Variants in ANKS6 observed in about 807,000 individuals in gnomAD.
ANKS6 encodes the protein ankyrin repeat and sterile alpha motif domain containing 6.
ANKS6 carries 47 observed loss-of-function variants against 77.9 expected under a neutral mutation model. The observed-to-expected ratio is 0.60, with a 90% CI of 0.48 to 0.77. The LOEUF is 0.77. Ranked by LOEUF, ANKS6 falls within the 30% of genes least tolerant of loss-of-function variation. The pLI, the probability that ANKS6 is intolerant of heterozygous loss-of-function variation, is 0.00. For synonymous variants in ANKS6, 488 were observed against 501.7 expected (o/e 0.97, Z 0.37); for missense variants, 1,150 against 1,159.1 (o/e 0.99, Z 0.11).
rs1834022137 is a variant in ANKS6, at chr9:98,778,226, C to T, written c.1567G>A (p.Gly523Ser). The change falls in exon 7 of 15, where the codon GGT becomes AGT. Residue 523 changes from glycine to serine, a missense_variant and splice_region_variant. Transcript: ENST00000353234. ...PDAAPVTKDN[G>S]PGSTRGEKED... is the part of the protein sequence containing the mutation. The stretch of plus-strand genomic sequence containing the variant: ...TACTGCACATGCAGACTTTTCTCAC[C>T]ATTGTCTTTGGTCACAGGGGCCGCA... 6.2e-7 allele frequency: 1 copy of T among 1,614,084 alleles called. No individual in the cohort carries two copies. Among genetic ancestry groups the T allele is most frequent in the East Asian group, 2.2e-5 (1 of 44,888 alleles).
intron 1 of ANKS6, 127 bp from the exon 2 acceptor site, chr9:98,790,733 C>T: frequency 7.8e-7 from 1 of 1,282,788 alleles, no homozygotes; most frequent in Non-Finnish European, 1.1e-6. Flanking sequence ...TATTCTGGCG[C>T]CAGGCACTGT....
In ANKS6 at chr9:98,762,876, C is replaced by A. The variant is rs558284721; in HGVS notation, c.2142+5205G>T. Among the ~76,000 whole-genome samples, 16 of 151,972 alleles carry A rather than the reference C, an allele frequency of 1.1e-4. No individual in the cohort carries two copies. The East Asian group carries it at 3.1e-3, about 29-fold the overall frequency. The stretch of plus-strand genomic sequence containing the variant: ...TAGTCATAAAAATGCATCCTTGTTC[C>A]CAATCTTAGGAGAAAAGAAAATCTT... On this transcript the variant is annotated intron_variant, in intron 11 of 14. Coordinates refer to ENST00000353234, the MANE Select transcript of ANKS6 (RefSeq NM_173551.5).
chr9:98,796,043 C>T (rs1408421802), intron 1 of ANKS6, 90 bp downstream of exon 1: 9 of 1,218,540 alleles, frequency 7.4e-6, no homozygotes, highest in Middle Eastern at 3.2e-4. Flanking sequence ...TAACTCTTCA[C>T]CTCCCGGGGC....
At chr9:98,768,799 C>T (rs373543045) in intron 10 of ANKS6, among the ~76,000 whole-genome samples, 4 of 152,186 alleles carry the variant, frequency 2.6e-5, no homozygotes, top group African/African-American at 9.7e-5. Context: ...TTCTCCCTCA[C>T]CCTGCTTCCC....
At position 98,732,844 on chromosome 9, in the gene ANKS6, A is replaced by C. The variant is rs1366232059; in HGVS notation, c.*3675T>G. 1.6e-6 allele frequency: 2 copies of C among 1,215,808 alleles called. No individual in the cohort carries two copies. Among genetic ancestry groups the C allele is most frequent in the East Asian group, 8.7e-5 (2 of 23,074 alleles). The allele number at this position is 1,215,808 out of a possible 1,614,324, so 75.3% of individuals were successfully genotyped here. A position where few individuals can be genotyped will look rare whatever the true frequency, so the allele number is the denominator to read the frequency against. On this transcript the variant is annotated 3_prime_UTR_variant, in exon 15 of 15. Transcript: ENST00000353234. ...ATTTTAAAGGACTAAAAACAGAAAA[A>C]CAGGCACCCAACTGACCCTTCCTCC...
chr9:98,739,301 C>T (rs932412879), intron 14 of ANKS6, among the ~76,000 whole-genome samples: 1 of 152,150 alleles, frequency 6.6e-6, no homozygotes, highest in African/African-American at 2.4e-5. Flanking sequence ...ACAACGACAA[C>T]AACAACAACA....
intron 2 of ANKS6, 180 bp downstream of exon 2, chr9:98,789,924 A>C: frequency 1.1e-6 from 1 of 922,892 alleles, no homozygotes; most frequent in Non-Finnish European, 1.5e-6. Context: ...GAGTGGGCCC[A>C]GAACCTGCAT....
chr9:98,784,784 G>A, intron 3 of ANKS6, 48 bp downstream of exon 3: 1 of 1,519,614 alleles, frequency 6.6e-7, no homozygotes, highest in Non-Finnish European at 9.1e-7. Flanking sequence ...TTGGGAGAAT[G>A]TAGCCCTATA....
At chr9:98,792,624 G>A (rs1834962831) in intron 1 of ANKS6, among the ~76,000 whole-genome samples, 1 of 152,188 alleles carries the variant, frequency 6.6e-6, no homozygotes, top group South Asian at 2.1e-4. Context: ...TATCAAGCAT[G>A]AGATAAAATC....
chr9:98,779,579 T>C (rs868785677), intron 6 of ANKS6, among the ~76,000 whole-genome samples: 32 of 152,080 alleles, frequency 2.1e-4, no homozygotes, highest in African/African-American at 7.2e-4. Flanking sequence ...ACATTCCTTT[T>C]TGAGACAAGT....
At position 98,736,583 on chromosome 9, in the gene ANKS6, A is replaced by G; in HGVS notation, c.2552T>C (p.Phe851Ser). The part of the protein sequence containing the change: ...RQILQETIHN[F>S]HSSFESSASN... The stretch of plus-strand genomic sequence containing the variant: ...GGCACTGCTCTCAAAGGAAGAGTGA[A>G]AGTTGTGAATGGTTTCCTGTAAAAT... The change falls in exon 15 of 15, where the codon TTT (phenylalanine) becomes TCT (serine). Residue 851 changes from phenylalanine to serine, a missense_variant. Physicochemically the swap from Phe to Ser is radical, Grantham distance 155 (BLOSUM62 -2). Transcript: ENST00000353234. 6.2e-7 allele frequency: 1 copy of G among 1,613,572 alleles called. No homozygotes were observed. Among genetic ancestry groups the G allele is most frequent in the Non-Finnish European group, 8.5e-7 (1 of 1,179,792 alleles).
intron 13 of ANKS6, among the ~76,000 whole-genome samples, chr9:98,746,660 GC>G (rs1448758918): frequency 1.3e-5 from 2 of 151,686 alleles, no homozygotes; most frequent in East Asian, 3.9e-4. Context: ...CTGGCAGAGG[GC>G]TCCAGCATCC....
Position 98,732,547 on chromosome 9 carries a change from A to C in ANKS6, c.*3972T>G, listed in dbSNP as rs1259738657. ...AGTTTCTTCTGGCCTCACCCACCCAACCATGGCTACGTCAGGGCAGAAGGG... is the reference window on the plus strand; with the variant it reads ...AGTTTCTTCTGGCCTCACCCACCCACCCATGGCTACGTCAGGGCAGAAGGG... On this transcript the variant is annotated 3_prime_UTR_variant, in exon 15 of 15. Transcript: ENST00000353234. 4 of 1,550,450 alleles carry C rather than the reference A, an allele frequency of 2.6e-6. No individual in the cohort carries two copies. The highest frequency in any genetic ancestry group is 1.4e-5 in the African/African-American group (1 of 73,044).
rs144672530 is a variant in ANKS6, at chr9:98,759,389, T to C, written c.2143-2786A>G. Among the ~76,000 whole-genome samples, 289 of 152,334 alleles carry C rather than the reference T, an allele frequency of 1.9e-3. 1 individual carries two copies. Among genetic ancestry groups the C allele is most frequent in the Admixed American group, 3.4e-3 (52 of 15,302 alleles). Reference sequence around the variant, plus strand: ...ACCAATCAATTAATCAGTTCTGCAGTGGACACCAGCTAAGTATCCTCCAAT... The same window carrying C: ...ACCAATCAATTAATCAGTTCTGCAGCGGACACCAGCTAAGTATCCTCCAAT... On this transcript the variant is annotated intron_variant, in intron 11 of 14. Coordinates refer to ENST00000353234, the MANE Select transcript of ANKS6 (RefSeq NM_173551.5).
chr9:98,739,991 G>T (rs1237688182), intron 14 of ANKS6, among the ~76,000 whole-genome samples: 1 of 151,830 alleles, frequency 6.6e-6, no homozygotes, highest in East Asian at 1.9e-4. Flanking sequence ...TCCTGACCTC[G>T]TGATCCGCCC....
chr9:98,764,714 G>T (rs1833179655), intron 11 of ANKS6, among the ~76,000 whole-genome samples: 1 of 152,042 alleles, frequency 6.6e-6, no homozygotes, highest in Admixed American at 6.5e-5. Context: ...ATTTCCATTG[G>T]GTTCTTTCTT....
chr9:98,735,266 A>G lies in ANKS6; in HGVS notation c.*1253T>C, dbSNP rs758221815. ...TGCCCACTCTACCATGCTGCCTCTC[A>G]ATGTCGGGACCATCTATTTACAGGT... On this transcript the variant is annotated 3_prime_UTR_variant, in exon 15 of 15. Transcript: ENST00000353234. 53 of 989,432 alleles carry G rather than the reference A, an allele frequency of 5.4e-5. No individual in the cohort carries two copies. Among genetic ancestry groups the G allele is most frequent in the Admixed American group, 4.9e-4 (8 of 16,374 alleles). 61.3% of individuals were successfully genotyped at this position (989,432 alleles called of 1,614,324 possible).
chr9:98,784,278 C>T (rs190483383), intron 3 of ANKS6, 121 bp from the exon 4 acceptor site: 1 of 893,696 alleles, frequency 1.1e-6, no homozygotes, highest in Non-Finnish European at 1.6e-6. Flanking sequence ...GGCTGCTGGG[C>T]ATCATAGGGG....
In ANKS6 at chr9:98,756,475, G is replaced by A. The variant is rs200246959; in HGVS notation, c.2271C>T (p.Ser757=). 2.5e-4 allele frequency: 407 copies of A among 1,613,540 alleles called. No homozygotes were observed. Among genetic ancestry groups the A allele is most frequent in the Admixed American group, 6.3e-4 (38 of 59,964 alleles). ...CCCCACTGCTCTTGGACTGCCGATGGGATGACGAGGAAGACACTGAGGACT... is the reference window on the plus strand; with the variant it reads ...CCCCACTGCTCTTGGACTGCCGATGAGATGACGAGGAAGACACTGAGGACT... The part of the protein sequence containing the change: ...TAESSVSSSS[S]HRQSKSSGGS... Residue 757 remains serine (S), a synonymous_variant, in exon 12 of 15, where the codon TCC becomes TCT. Transcript: ENST00000353234.
Sources: gnomAD v4.1 joint callset for allele counts (sites outside exome capture counted in the v4.1 genomes callset) on GRCh38, gnomAD v4.1.1 for gene constraint, MANE v1.5 for transcripts, NCBI Gene and HGNC (gene_info 2026-07-23, HGNC 2026-07-21) for gene names.